Variants in ZNF469 observed in about 807,000 individuals in gnomAD.
ZNF469 encodes zinc finger protein 469.
A neutral mutation model predicts 1.0 loss-of-function variants in ZNF469; 1 was observed. The observed-to-expected ratio is 1.00, with a 90% CI of 0.35 to 4.73. The LOEUF (loss-of-function observed/expected upper bound fraction) is 4.73, where lower values mean the gene tolerates loss of function less well. Among genes scored for constraint, ZNF469 ranks in the 30% most tolerant of loss-of-function variants. The pLI is 0.16. For synonymous variants in ZNF469, 2,703 were observed against 2,363.4 expected, an observed-to-expected ratio of 1.14 and a Z score of -4.17; for missense variants, 6,100 against 5,356.3, an observed-to-expected ratio of 1.14 and a Z score of -4.33.
chr16:88,396,105 A>C (rs188484889), intron 1 of ZNF469, among the ~76,000 whole-genome samples: 1 of 152,348 alleles, frequency 6.6e-6, no homozygotes, highest in Non-Finnish European at 1.5e-5. Context: ...TGTGACGGTC[A>C]AGCTGCGTTT....
In ZNF469 at chr16:88,437,384, C is replaced by G. The variant is rs1289168542; in HGVS notation, c.9914C>G (p.Pro3305Arg). The change falls in exon 3 of 3, where the codon CCC (proline) becomes CGC (arginine). Residue 3305 changes from proline to arginine, a missense_variant. Transcript: ENST00000565624. ...GCTGACGCCGGCAGCCCGGGCCCCCCCAGGACGACCCCCAGCCCGTCCCCC... is the reference window on the plus strand; with the variant it reads ...GCTGACGCCGGCAGCCCGGGCCCCCGCAGGACGACCCCCAGCCCGTCCCCC... ...ALADAGSPGPPRTTPSPSPDP... is the reference protein window; with the variant it reads ...ALADAGSPGPRRTTPSPSPDP... 5 of 1,536,542 alleles carry G rather than the reference C, an allele frequency of 3.3e-6. No homozygotes were observed. The highest frequency in any genetic ancestry group is 4.4e-6 in the Non-Finnish European group (5 of 1,140,790).
At chr16:88,216,161 A>ATAATTCTAGGTTG in the ZNF469 span, among the ~76,000 whole-genome samples, 1 of 152,096 alleles carries the variant, frequency 6.6e-6, no homozygotes, top group South Asian at 2.1e-4. Context: ...CGCTAGGCAT[A>ATAATTCTAGGTTG]TAATTCTAGG....
At chr16:88,133,643 T>G in the ZNF469 span, among the ~76,000 whole-genome samples, 4,913 of 151,042 alleles carry the variant, frequency 0.033, no homozygotes, top group African/African-American at 0.11. Flanking sequence ...TAAAATAAAT[T>G]ATAAATAAAA....
At chr16:88,227,586 T>C in the ZNF469 span, among the ~76,000 whole-genome samples, 1 of 88,608 alleles carries the variant, frequency 1.1e-5, no homozygotes, top group Non-Finnish European at 2.3e-5. Context: ...CCCCCCCTTC[T>C]CCCTCCCTCG....
chr16:88,216,709 C>T, the ZNF469 span, among the ~76,000 whole-genome samples: 1 of 152,154 alleles, frequency 6.6e-6, no homozygotes, highest in African/African-American at 2.4e-5. Flanking sequence ...GGAAGCTATC[C>T]TTTCAAATAT....
the ZNF469 span, among the ~76,000 whole-genome samples, chr16:88,358,231 G>A: frequency 5.3e-5 from 8 of 152,152 alleles, no homozygotes; most frequent in African/African-American, 9.7e-5. Flanking sequence ...GACTCAGCTC[G>A]GACCCCCAGC....
At chr16:88,185,487 CAT>C in the ZNF469 span, among the ~76,000 whole-genome samples, 13 of 151,418 alleles carry the variant, frequency 8.6e-5, no homozygotes, top group Non-Finnish European at 1.3e-4. Context: ...TGCACACTCA[CAT>C]GACTATAATA....
the ZNF469 span, among the ~76,000 whole-genome samples, chr16:88,166,520 AC>A: frequency 6.6e-6 from 1 of 151,768 alleles, no homozygotes; most frequent in Non-Finnish European, 1.5e-5. The surrounding 1 kb of genome is among the most constrained non-coding windows in gnomAD (Gnocchi z 4.5). Flanking sequence ...AAGACATGGA[AC>A]CCCAGGAAGT....
At chr16:88,101,667 G>A in the ZNF469 span, among the ~76,000 whole-genome samples, 5 of 152,124 alleles carry the variant, frequency 3.3e-5, no homozygotes, top group East Asian at 1.9e-4. Flanking sequence ...GGCAGGCACC[G>A]TCAATAACAA....
chr16:88,418,808 C>T (rs1024715375), intron 1 of ZNF469, among the ~76,000 whole-genome samples: 2 of 152,228 alleles, frequency 1.3e-5, no homozygotes, highest in African/African-American at 4.8e-5. Context: ...TTTATCTGAG[C>T]ACTCAGGTAA....
the ZNF469 span, among the ~76,000 whole-genome samples, chr16:88,161,169 A>AC: frequency 6.6e-6 from 1 of 151,904 alleles, no homozygotes. Context: ...TCAAAAAAAA[A>AC]AAAACGGGCT....
chr16:88,380,295 ACG>A (rs1320990682), upstream of ZNF469, among the ~76,000 whole-genome samples: 2 of 141,430 alleles, frequency 1.4e-5, no homozygotes, highest in African/African-American at 5.6e-5. Context: ...ACACACACAC[ACG>A]CACTAAAACA....
At chr16:88,359,632 T>C in the ZNF469 span, among the ~76,000 whole-genome samples, 1 of 152,264 alleles carries the variant, frequency 6.6e-6, no homozygotes, top group Non-Finnish European at 1.5e-5. Context: ...TCTGTCTTTT[T>C]TGTATTGATT....
chr16:88,198,135 G>A, the ZNF469 span, among the ~76,000 whole-genome samples: 5 of 152,236 alleles, frequency 3.3e-5, no homozygotes, highest in Non-Finnish European at 7.3e-5. Context: ...CCCAGCCCTG[G>A]GGCTGAGGAC....
intron 1 of ZNF469, among the ~76,000 whole-genome samples, chr16:88,389,376 G>A (rs1379418872): frequency 6.6e-6 from 1 of 152,258 alleles, no homozygotes; most frequent in Non-Finnish European, 1.5e-5. Context: ...CTGCCCCGTG[G>A]ACGGAGCACA....
rs376972141 is a variant in ZNF469, at chr16:88,434,704, A to C, written c.7234A>C (p.Ser2412Arg). The C allele has an allele frequency of 1.3e-6, 2 of 1,550,404 alleles. No individual in the cohort carries two copies. The highest frequency in any genetic ancestry group is 2.7e-5 in the African/African-American group (2 of 73,168). Reference sequence around the variant, plus strand: ...GGGCTTGGGAAGAACCACAGCCCCAAGCAGCACAGCCAGTGACTTCCAGTC... The same window carrying C: ...GGGCTTGGGAAGAACCACAGCCCCACGCAGCACAGCCAGTGACTTCCAGTC... ...GLGLGRTTAP[S>R]STASDFQSDS... The change falls in exon 3 of 3, where the codon AGC (serine) becomes CGC (arginine). Residue 2412 changes from serine to arginine, a missense_variant. Physicochemically the swap from Ser to Arg is moderately radical, Grantham distance 110. Coordinates refer to ENST00000565624, the MANE Select transcript of ZNF469 (RefSeq NM_001367624.2).
chr16:88,255,858 T>G, the ZNF469 span, among the ~76,000 whole-genome samples: 1 of 152,208 alleles, frequency 6.6e-6, no homozygotes, highest in Non-Finnish European at 1.5e-5. Context: ...ATGTCTCTGG[T>G]CGGAGGGAAG....
At chr16:88,302,221 C>T in the ZNF469 span, among the ~76,000 whole-genome samples, 1 of 152,230 alleles carries the variant, frequency 6.6e-6, no homozygotes, top group African/African-American at 2.4e-5. Context: ...GCCGTCTGAC[C>T]CGCTGTTCCC....
chr16:88,208,249 G>A, the ZNF469 span, among the ~76,000 whole-genome samples: 10 of 151,838 alleles, frequency 6.6e-5, no homozygotes, highest in Non-Finnish European at 1.3e-4. Flanking sequence ...TTTGCAGCAG[G>A]AAGAGATATC....
Sources: allele counts gnomAD v4.1 joint callset (sites outside exome capture counted in the v4.1 genomes callset), GRCh38; gene constraint gnomAD v4.1.1; non-coding constraint Gnocchi (gnomAD v3.1); transcripts MANE v1.5; gene names NCBI Gene and HGNC (gene_info 2026-07-23, HGNC 2026-07-21).